Variants in PTPRD observed in about 807,000 individuals in gnomAD.
PTPRD encodes receptor-type tyrosine-protein phosphatase delta.
PTPRD carries 34 observed loss-of-function variants against 214.5 expected under a neutral mutation model. The observed-to-expected ratio is 0.16, with a 90% CI of 0.12 to 0.21. PTPRD has a LOEUF of 0.21. Among genes scored for constraint, PTPRD ranks in the 10% least tolerant of loss-of-function variants. The pLI, the probability that PTPRD is intolerant of heterozygous loss-of-function variation, is 1.00. For synonymous variants in PTPRD, 1,128 were observed against 845.7 expected (o/e 1.33, Z -5.79); for missense variants, 2,545 against 2,398.7 (o/e 1.06, Z -1.27).
In PTPRD at chr9:9,074,906, C is replaced by CA. The variant is rs74564241; in HGVS notation, c.-142-56172dup. 8.9e-3 allele frequency among the ~76,000 whole-genome samples: 1,179 copies of CA among 132,960 alleles called. 27 individuals carry two copies. Among genetic ancestry groups the CA allele is most frequent in the African/African-American group, 0.029 (1,062 of 36,574 alleles). 87.2% of individuals were successfully genotyped at this position (132,960 alleles called of 152,430 possible). ...AATTTAGTTTGGGAGGTATTTTGGG[C>CA]AAAAAAAAAAAAGTCCTATATTATC... is the stretch of plus-strand genomic sequence containing the variant. On this transcript the variant is annotated intron_variant, in intron 10 of 45. Transcript: ENST00000381196.
chr9:9,546,997 A>G (rs2078958907), intron 8 of PTPRD, among the ~76,000 whole-genome samples: 1 of 151,908 alleles, frequency 6.6e-6, no homozygotes. Context: ...AAAAAGACAA[A>G]AAATAAAAAA....
intron 11 of PTPRD, among the ~76,000 whole-genome samples, chr9:8,859,550 A>C (rs1315980797): frequency 6.6e-6 from 1 of 152,200 alleles, no homozygotes; most frequent in Non-Finnish European, 1.5e-5. Context: ...GCACATACAC[A>C]CAATACTTAT....
chr9:8,329,878 T>C (rs543478716), intron 44 of PTPRD, among the ~76,000 whole-genome samples: 3 of 150,720 alleles, frequency 2.0e-5, no homozygotes, highest in African/African-American at 4.9e-5. Flanking sequence ...GAAGCTCGAA[T>C]GGCCCAGGTG....
At chr9:10,243,350 G>GT (rs71321235) in intron 3 of PTPRD, among the ~76,000 whole-genome samples, 82,649 of 151,636 alleles carry the variant, frequency 0.55, 24,047 homozygotes, top group East Asian at 0.73. Flanking sequence ...AAATGTTAAT[G>GT]TTTTATGTTT....
intron 3 of PTPRD, among the ~76,000 whole-genome samples, chr9:10,077,375 A>G (rs1198124546): frequency 6.6e-6 from 1 of 152,162 alleles, no homozygotes; most frequent in Non-Finnish European, 1.5e-5. Context: ...TCATTTGCTT[A>G]AGATTCACTT....
At position 8,316,706 on chromosome 9, in the gene PTPRD, G is replaced by GTGAT. The variant is rs1387437515; in HGVS notation, c.*1164_*1167dup. 9 of 230,944 alleles carry GTGAT rather than the reference G, an allele frequency of 3.9e-5. No individual in the cohort carries two copies. Among genetic ancestry groups the GTGAT allele is most frequent in the African/African-American group, 1.1e-4 (5 of 45,162 alleles). 14.3% of individuals were successfully genotyped at this position (230,944 alleles called of 1,614,324 possible). ...CAAACAAACAAAACAATTTGTGGAT[G>GTGAT]TGATTGATTGGTTAGGTGGGGGTAG... On this transcript the variant is annotated 3_prime_UTR_variant, in exon 46 of 46. Coordinates refer to ENST00000381196, the MANE Select transcript of PTPRD (RefSeq NM_002839.4).
chr9:9,641,474 C>A (rs968291643), intron 7 of PTPRD, among the ~76,000 whole-genome samples: 1 of 152,038 alleles, frequency 6.6e-6, no homozygotes, highest in Non-Finnish European at 1.5e-5. Context: ...GCACACTCCC[C>A]GCTAGAAATG....
intron 2 of PTPRD, among the ~76,000 whole-genome samples, chr9:10,448,871 C>A (rs1276804594): frequency 6.6e-6 from 1 of 152,026 alleles, no homozygotes; most frequent in Non-Finnish European, 1.5e-5. Context: ...ACATTATTAT[C>A]TCTTACTAAT....
At chr9:9,920,918 G>T (rs546517370) in intron 5 of PTPRD, among the ~76,000 whole-genome samples, 2 of 152,212 alleles carry the variant, frequency 1.3e-5, no homozygotes, top group African/African-American at 2.4e-5. Flanking sequence ...ATCAGTGATT[G>T]CTCTATTAAT....
At chr9:9,639,178 G>C (rs887493090) in intron 7 of PTPRD, among the ~76,000 whole-genome samples, 4 of 152,132 alleles carry the variant, frequency 2.6e-5, no homozygotes, top group African/African-American at 9.7e-5. Flanking sequence ...GCAAGCAACA[G>C]CAGCCTAACT....
chr9:10,271,548 T>G (rs2094425871), intron 3 of PTPRD, among the ~76,000 whole-genome samples: 1 of 82,706 alleles, frequency 1.2e-5, no homozygotes, highest in African/African-American at 3.3e-5. Flanking sequence ...TCTTTTCTTT[T>G]CTTTTTTTTT....
At chr9:9,615,765 C>T (rs1347879902) in intron 7 of PTPRD, among the ~76,000 whole-genome samples, 1 of 152,024 alleles carries the variant, frequency 6.6e-6, no homozygotes, top group Admixed American at 6.6e-5. Flanking sequence ...TTAATCCTGA[C>T]AAAAAATCTT....
chr9:9,653,782 G>C (rs778576610), intron 7 of PTPRD, among the ~76,000 whole-genome samples: 5 of 152,090 alleles, frequency 3.3e-5, no homozygotes, highest in Non-Finnish European at 5.9e-5. Context: ...TCCTCTAAAG[G>C]GATTTGGCTT....
intron 2 of PTPRD, among the ~76,000 whole-genome samples, chr9:10,457,788 T>C (rs13287491): frequency 0.1 from 15,454 of 152,104 alleles, 961 homozygotes; most frequent in Middle Eastern, 0.19. Flanking sequence ...GTTGTGCTAC[T>C]TCATTGTAAT....
intron 11 of PTPRD, among the ~76,000 whole-genome samples, chr9:8,752,178 C>G (rs10815930): frequency 0.52 from 79,725 of 152,074 alleles, 24,497 homozygotes; most frequent in Non-Finnish European, 0.68. Flanking sequence ...TTAGGGCATT[C>G]TAAGTCACAG....
chr9:9,365,328 C>A (rs1406820433), intron 9 of PTPRD, among the ~76,000 whole-genome samples: 1 of 151,504 alleles, frequency 6.6e-6, no homozygotes, highest in Non-Finnish European at 1.5e-5. Context: ...AACATATAAT[C>A]TTTCACATAT....
At chr9:8,561,235 A>AT (rs1414102213) in intron 14 of PTPRD, among the ~76,000 whole-genome samples, 1 of 151,788 alleles carries the variant, frequency 6.6e-6, no homozygotes, top group African/African-American at 2.4e-5. Flanking sequence ...TTTTTTGAAT[A>AT]TTCACATACC....
intron 10 of PTPRD, among the ~76,000 whole-genome samples, chr9:9,101,536 T>G (rs1392684987): frequency 6.6e-6 from 1 of 152,172 alleles, no homozygotes; most frequent in Admixed American, 6.5e-5. Flanking sequence ...ACCAAAGTGC[T>G]TGCTCAAGAT....
intron 8 of PTPRD, among the ~76,000 whole-genome samples, chr9:9,536,261 G>A (rs561336883): frequency 2.0e-5 from 3 of 152,006 alleles, no homozygotes; most frequent in Admixed American, 6.6e-5. Flanking sequence ...TTCCCGGCCC[G>A]TACCTCAGTG....
Sources: allele counts gnomAD v4.1 joint callset (sites outside exome capture counted in the v4.1 genomes callset), GRCh38; gene constraint gnomAD v4.1.1; transcripts MANE v1.5; gene names NCBI Gene and HGNC (gene_info 2026-07-23, HGNC 2026-07-21).